TACC2: variants seen among roughly 807,000 people sequenced by gnomAD.
The protein encoded by TACC2 is transforming acidic coiled-coil containing protein 2.
TACC2 carries 137 observed loss-of-function variants against 227.3 expected under a neutral mutation model. That is an observed-to-expected ratio of 0.60 (90% confidence interval 0.52 to 0.69). The LOEUF is 0.69. Ranked by LOEUF, TACC2 falls within the 30% of genes least tolerant of loss-of-function variation. TACC2 has a pLI of 0.00. For synonymous variants in TACC2, 1,523 were observed against 1,487.5 expected, an observed-to-expected ratio of 1.02 and a Z score of -0.55; for missense variants, 3,470 against 3,694.4, an observed-to-expected ratio of 0.94 and a Z score of 1.57.
In TACC2 at chr10:122,211,083, G is replaced by A. The variant is rs2095281393; in HGVS notation, c.6658G>A (p.Gly2220Ser). 2.5e-6 allele frequency: 4 copies of A among 1,612,664 alleles called. No individual in the cohort carries two copies. Among genetic ancestry groups the A allele is most frequent in the Non-Finnish European group, 3.4e-6 (4 of 1,179,480 alleles). ...AGGGGTTGTCCCCCCGGCTTCTGGA[G>A]GTGGCAGAGTGCAGAACTCACCCCC... ...AEGVVPPASG[G>S]GRVQNSPPVG... Residue 2220 changes from glycine (G) to serine (S), a missense_variant, in exon 9 of 23, where the codon GGT becomes AGT. Around this residue, in one of 10 missense-constraint regions of TACC2, gnomAD observed 593 missense variants for 636.6 expected, o/e 0.93. Transcript: ENST00000369005.
In TACC2 at chr10:122,083,007, C is replaced by T. The variant is rs146425124; in HGVS notation, c.507C>T (p.Ala169=). 218 of 1,612,640 alleles carry T rather than the reference C, an allele frequency of 1.4e-4. 2 individuals are homozygous for T. The Middle Eastern group carries it at 3.0e-3, about 22-fold the overall frequency. ...CTACTCCATACCAAGAGATTGCTGC[C>T]GTCCCCAGTGCTGGAAGAGAGAGAC... ...DSSTPYQEIA[A]VPSAGRERQP... is the part of the protein sequence containing the mutation. Residue 169 remains alanine, a synonymous_variant, in exon 4 of 23, where the codon GCC becomes GCT. Transcript: ENST00000369005.
chr10:122,027,934 G>C (rs370792492), intron 2 of TACC2, among the ~76,000 whole-genome samples: 4 of 151,616 alleles, frequency 2.6e-5, no homozygotes, highest in Admixed American at 2.0e-4. Flanking sequence ...TAGTAGAGAC[G>C]GGGTTTCACC....
At chr10:122,032,219 C>A (rs1001165517) in intron 2 of TACC2, among the ~76,000 whole-genome samples, 1 of 152,188 alleles carries the variant, frequency 6.6e-6, no homozygotes, top group Non-Finnish European at 1.5e-5. Flanking sequence ...AAAGGCAGCA[C>A]GTATCTATGA....
chr10:122,033,422 T>C (rs79368326), intron 2 of TACC2, among the ~76,000 whole-genome samples: 597 of 152,290 alleles, frequency 3.9e-3, no homozygotes, highest in African/African-American at 0.014. Flanking sequence ...ATAAGGCTTA[T>C]GTTGCCAGCA....
intron 7 of TACC2, among the ~76,000 whole-genome samples, chr10:122,172,777 C>T (rs2093539310): frequency 6.6e-6 from 1 of 151,838 alleles, no homozygotes; most frequent in South Asian, 2.1e-4. Flanking sequence ...GCACCAGGCT[C>T]TTGTGGGAGG....
At chr10:122,174,533 A>G (rs1290167246) in intron 7 of TACC2, among the ~76,000 whole-genome samples, 1 of 152,232 alleles carries the variant, frequency 6.6e-6, no homozygotes, top group Non-Finnish European at 1.5e-5. Flanking sequence ...AAGAGAATGC[A>G]TAAAGCGTTT....
At chr10:122,124,927 G>A (rs915995058) in intron 5 of TACC2, among the ~76,000 whole-genome samples, 3 of 151,824 alleles carry the variant, frequency 2.0e-5, no homozygotes, top group Admixed American at 6.6e-5. Context: ...ACATGAAGTC[G>A]CCACCCTCCA....
chr10:122,066,806 T>C (rs1185448717), intron 3 of TACC2, among the ~76,000 whole-genome samples: 2 of 152,248 alleles, frequency 1.3e-5, no homozygotes, highest in Non-Finnish European at 2.9e-5. Context: ...TTTTCCTCCT[T>C]TTTTGCCTTC....
chr10:122,198,906 C>T (rs1318889203), intron 8 of TACC2, among the ~76,000 whole-genome samples: 1 of 152,228 alleles, frequency 6.6e-6, no homozygotes, highest in African/African-American at 2.4e-5. Context: ...GGCCACGCCC[C>T]CGAGGCAAAG....
chr10:122,039,285 A>G (rs2073963181), intron 2 of TACC2, among the ~76,000 whole-genome samples: 1 of 152,046 alleles, frequency 6.6e-6, no homozygotes, highest in South Asian at 2.1e-4. Context: ...TCCTGACTCT[A>G]TTTTGAAACC....
At chr10:122,248,879 G>T in intron 20 of TACC2, 76 bp downstream of exon 20, 1 of 1,590,160 alleles carries the variant, frequency 6.3e-7, no homozygotes, top group Non-Finnish European at 8.6e-7. Flanking sequence ...GAGGGGGTAG[G>T]ATTCCAGAAG....
chr10:122,134,119 A>G (rs1218691432), intron 6 of TACC2, among the ~76,000 whole-genome samples: 1 of 152,102 alleles, frequency 6.6e-6, no homozygotes, highest in East Asian at 1.9e-4. Context: ...GCAGCCATGC[A>G]ATGATGTGGA....
chr10:122,157,891 G>T (rs1305403662), intron 7 of TACC2, among the ~76,000 whole-genome samples: 1 of 151,820 alleles, frequency 6.6e-6, no homozygotes, highest in Non-Finnish European at 1.5e-5. Flanking sequence ...AGATTTTGAG[G>T]ATCATATTCA....
At chr10:121,994,284 T>G (rs987395398) in intron 1 of TACC2, among the ~76,000 whole-genome samples, 27 of 152,248 alleles carry the variant, frequency 1.8e-4, no homozygotes, top group Non-Finnish European at 3.8e-4. Context: ...ATGCCTTGTT[T>G]TTTTCTTCTT....
chr10:122,075,654 C>G (rs922955878), intron 3 of TACC2, among the ~76,000 whole-genome samples: 2 of 152,220 alleles, frequency 1.3e-5, no homozygotes, highest in African/African-American at 4.8e-5. Context: ...TCCTCGAATC[C>G]TCTCATCTCC....
intron 9 of TACC2, among the ~76,000 whole-genome samples, chr10:122,213,048 A>G (rs2095329574): frequency 6.6e-6 from 1 of 152,206 alleles, no homozygotes; most frequent in African/African-American, 2.4e-5. Flanking sequence ...TATTAGAGCT[A>G]ACAGGGGTCA....
chr10:121,995,897 G>T (rs1289312624), intron 1 of TACC2, among the ~76,000 whole-genome samples: 1 of 152,040 alleles, frequency 6.6e-6, no homozygotes, highest in Non-Finnish European at 1.5e-5. Flanking sequence ...GAGACTACAG[G>T]TGCGTGCCAC....
At chr10:122,212,348 G>C (rs1327236091) in intron 9 of TACC2, among the ~76,000 whole-genome samples, 1 of 152,182 alleles carries the variant, frequency 6.6e-6, no homozygotes, top group Non-Finnish European at 1.5e-5. Context: ...AAAGTGGGGA[G>C]CAAATCCCCA....
rs1445846851 is a variant in TACC2 at position 122,050,881 on chromosome 10, G to A, written c.146+331G>A. On this transcript the variant is annotated intron_variant, in intron 3 of 22. Transcript: ENST00000369005. This position sits in a 1 kb window ranked among gnomAD's most constrained non-coding sequence, Gnocchi z 4.6. Reference sequence around the variant, plus strand: ...CCAGGGGTTTATCAGTGTCTAATCCGTGGCTAAGTGGAGTCTGTAACTCAG... The same window carrying A: ...CCAGGGGTTTATCAGTGTCTAATCCATGGCTAAGTGGAGTCTGTAACTCAG... The A allele has an allele frequency of 1.2e-5, 3 of 241,170 alleles. No homozygotes were observed. Among genetic ancestry groups the A allele is most frequent in the South Asian group, 7.6e-5 (1 of 13,194 alleles). The allele number at this position is 241,170 out of a possible 1,614,324, so 14.9% of individuals were successfully genotyped here.
Sources: gnomAD v4.1 joint callset for allele counts (sites outside exome capture counted in the v4.1 genomes callset) on GRCh38, gnomAD v4.1.1 for gene constraint, gnomAD v4.1.1 regional missense constraint, Gnocchi (gnomAD v3.1) non-coding constraint, MANE v1.5 for transcripts, NCBI Gene and HGNC (gene_info 2026-07-23, HGNC 2026-07-21) for gene names.